CADPS: variants seen among roughly 807,000 people sequenced by gnomAD.
The protein encoded by CADPS is calcium dependent secretion activator.
CADPS carries 57 observed loss-of-function variants against 167.3 expected under a neutral mutation model. The ratio of observed to expected loss-of-function variants is 0.34; its 90% CI spans 0.28 to 0.42. The LOEUF is 0.42. Ranked by LOEUF, CADPS falls within the 20% of genes least tolerant of loss-of-function variation. The probability of loss-of-function intolerance (pLI) is 1.00; values close to 1 mark genes in which losing one functional copy is unlikely to be tolerated. For missense variants in CADPS, 1,414 were observed against 1,738.1 expected (o/e 0.81, Z 3.32); for synonymous variants, 676 against 635.3 (o/e 1.06, Z -0.96).
chr3:62,794,187 AC>A (rs1444943507), intron 1 of CADPS, among the ~76,000 whole-genome samples: 1 of 152,222 alleles, frequency 6.6e-6, no homozygotes, highest in African/African-American at 2.4e-5. Context: ...GTGACTACTA[AC>A]CATGAAACCT....
At chr3:62,562,734 C>T (rs2079401424) in intron 9 of CADPS, among the ~76,000 whole-genome samples, 1 of 152,212 alleles carries the variant, frequency 6.6e-6, no homozygotes, top group Admixed American at 6.5e-5. Flanking sequence ...TTTCAACTTT[C>T]AGGGCAAGTG....
At chr3:62,522,058 C>G (rs1577164417) in intron 13 of CADPS, among the ~76,000 whole-genome samples, 1 of 152,104 alleles carries the variant, frequency 6.6e-6, no homozygotes, top group African/African-American at 2.4e-5. Context: ...TTGATCTTGT[C>G]TGTTTCTTAG....
chr3:62,408,421 CACTT>C (rs1430454658), intron 28 of CADPS, among the ~76,000 whole-genome samples: 1 of 152,152 alleles, frequency 6.6e-6, no homozygotes, highest in Non-Finnish European at 1.5e-5. Flanking sequence ...AAAAGTTGCT[CACTT>C]ACCTCTTCCT....
intron 17 of CADPS, among the ~76,000 whole-genome samples, chr3:62,508,298 GCTT>G (rs1232746537): frequency 6.6e-6 from 1 of 152,072 alleles, no homozygotes; most frequent in Non-Finnish European, 1.5e-5. Flanking sequence ...TTTGAACCTG[GCTT>G]CTTTTCTCCA....
chr3:62,444,106 C>T (rs886375338), intron 27 of CADPS, among the ~76,000 whole-genome samples: 1 of 152,178 alleles, frequency 6.6e-6, no homozygotes, highest in African/African-American at 2.4e-5. Context: ...GGTGTTTGGG[C>T]CTTGTCTACA....
At chr3:62,805,428 A>G (rs2152831477) in intron 1 of CADPS, among the ~76,000 whole-genome samples, 1 of 152,280 alleles carries the variant, frequency 6.6e-6, no homozygotes, top group South Asian at 2.1e-4. Flanking sequence ...GCACTAAGGG[A>G]TTGGTCTGAT....
At chr3:62,585,785 C>G (rs1398540075) in intron 7 of CADPS, among the ~76,000 whole-genome samples, 4 of 152,140 alleles carry the variant, frequency 2.6e-5, no homozygotes, top group Non-Finnish European at 4.4e-5. Context: ...TGGAAGGAAC[C>G]TTATTAGATG....
chr3:62,735,697 G>C (rs1285860735), intron 3 of CADPS, among the ~76,000 whole-genome samples: 1 of 152,118 alleles, frequency 6.6e-6, no homozygotes, highest in Non-Finnish European at 1.5e-5. Flanking sequence ...CTTGCCAATG[G>C]GATCTGAGCA....
intron 6 of CADPS, among the ~76,000 whole-genome samples, chr3:62,644,501 C>T (rs2068097836): frequency 6.6e-6 from 1 of 152,174 alleles, no homozygotes; most frequent in South Asian, 2.1e-4. Flanking sequence ...CACTCCCCAT[C>T]CACTGCAGCG....
chr3:62,744,269 C>G (rs1458490756), intron 3 of CADPS, among the ~76,000 whole-genome samples: 1 of 151,962 alleles, frequency 6.6e-6, no homozygotes, highest in African/African-American at 2.4e-5. Context: ...AATTATGAAG[C>G]CTCCACTAAC....
At position 62,602,050 on chromosome 3, in the gene CADPS, A is replaced by T. The variant is rs2060048530; in HGVS notation, c.1326-9302T>A. 6.6e-6 allele frequency among the ~76,000 whole-genome samples: 1 copy of T among 152,174 alleles called. No homozygotes were observed. Among genetic ancestry groups the T allele is most frequent in the African/African-American group, 2.4e-5 (1 of 41,442 alleles). On this transcript the variant is annotated intron_variant, in intron 6 of 29. Transcript: ENST00000383710. The surrounding 1 kb of genome is among the most constrained non-coding windows in gnomAD (Gnocchi z 4.4). ...TCAACAAATGTTGCTAATCAAATAC[A>T]CACAGTAATTTTCATTAGAATTTTT...
intron 13 of CADPS, among the ~76,000 whole-genome samples, chr3:62,529,218 C>T (rs561630935): frequency 1.3e-5 from 2 of 152,242 alleles, no homozygotes; most frequent in African/African-American, 4.8e-5. Context: ...ACAATTGCTA[C>T]TTAATATTAT....
intron 1 of CADPS, among the ~76,000 whole-genome samples, chr3:62,818,611 T>C (rs1244187170): frequency 1.3e-5 from 2 of 152,216 alleles, no homozygotes; most frequent in South Asian, 2.1e-4. Flanking sequence ...ACAACCACTT[T>C]ACTTTGCATA....
intron 28 of CADPS, among the ~76,000 whole-genome samples, chr3:62,427,156 G>A (rs1240768704): frequency 6.6e-6 from 1 of 152,004 alleles, no homozygotes; most frequent in East Asian, 1.9e-4. Context: ...GACAAGATCT[G>A]AGTTTTTGTT....
At chr3:62,778,416 G>C (rs2090846845) in intron 1 of CADPS, among the ~76,000 whole-genome samples, 1 of 152,108 alleles carries the variant, frequency 6.6e-6, no homozygotes, top group Admixed American at 6.5e-5. Context: ...AAGCCTTTCT[G>C]CATTTTCCCT....
At chr3:62,566,079 C>G (rs971794707) in intron 9 of CADPS, among the ~76,000 whole-genome samples, 3 of 152,152 alleles carry the variant, frequency 2.0e-5, no homozygotes, top group Non-Finnish European at 4.4e-5. Flanking sequence ...TAAACACATT[C>G]CATAAGATCT....
At chr3:62,431,141 GA>G (rs2053851198) in intron 28 of CADPS, among the ~76,000 whole-genome samples, 1 of 152,106 alleles carries the variant, frequency 6.6e-6, no homozygotes. Context: ...CTTAATTTCA[GA>G]TTGATAACCT....
At chr3:62,857,481 A>T (rs1407313723) in intron 1 of CADPS, among the ~76,000 whole-genome samples, 2 of 152,138 alleles carry the variant, frequency 1.3e-5, no homozygotes, top group Non-Finnish European at 2.9e-5. Context: ...AAGAGAAATC[A>T]ATACAACCAG....
intron 1 of CADPS, among the ~76,000 whole-genome samples, chr3:62,852,600 A>G (rs867194533): frequency 2.0e-5 from 3 of 151,348 alleles, no homozygotes; most frequent in Admixed American, 6.6e-5. Context: ...ACTTATCAAA[A>G]AAAGAAAAAA....
Sources: gnomAD v4.1 joint callset for allele counts (sites outside exome capture counted in the v4.1 genomes callset) on GRCh38, gnomAD v4.1.1 for gene constraint, Gnocchi (gnomAD v3.1) non-coding constraint, MANE v1.5 for transcripts, NCBI Gene and HGNC (gene_info 2026-07-23, HGNC 2026-07-21) for gene names.